Variants in RYR3 observed in about 807,000 individuals in gnomAD.
The protein encoded by RYR3 is brain ryanodine receptor-calcium release channel.
RYR3 carries 207 observed loss-of-function variants against 584.3 expected under a neutral mutation model. The ratio of observed to expected loss-of-function variants is 0.35; its 90% CI spans 0.32 to 0.40. The LOEUF is 0.40. Ranked by LOEUF, RYR3 falls within the 10% of genes least tolerant of loss-of-function variation. RYR3 has a pLI of 1.00. For missense variants in RYR3, 5,616 were observed against 6,089.2 expected (o/e 0.92, Z 2.59); for synonymous variants, 2,416 against 2,248.5 (o/e 1.07, Z -2.11).
chr15:33,860,560 C>T (rs968319474), intron 100 of RYR3, 35 bp from the exon 101 acceptor site: 9 of 1,391,696 alleles, frequency 6.5e-6, no homozygotes, highest in Admixed American at 6.0e-5. Context: ...TGAACCACTA[C>T]ACAGATTGCT....
At chr15:33,423,441 T>C (rs1457299711) in intron 1 of RYR3, among the ~76,000 whole-genome samples, 2 of 152,196 alleles carry the variant, frequency 1.3e-5, no homozygotes, top group Non-Finnish European at 2.9e-5. Flanking sequence ...CTTAGGTTAT[T>C]GTGAATTGGC....
At chr15:33,863,021 G>C (rs1009637277) in intron 102 of RYR3, among the ~76,000 whole-genome samples, 1 of 152,214 alleles carries the variant, frequency 6.6e-6, no homozygotes, top group African/African-American at 2.4e-5. Context: ...AGGTTAATGA[G>C]CCCATGGCCA....
In RYR3 at chr15:33,821,508, T is replaced by A. The variant is rs757046009; in HGVS notation, c.10916-15T>A. 6.2e-7 allele frequency: 1 copy of A among 1,613,532 alleles called. No homozygotes were observed. The highest frequency in any genetic ancestry group is 8.5e-7 in the Non-Finnish European group (1 of 1,179,458). On this transcript the variant is annotated splice_polypyrimidine_tract_variant and intron_variant, in intron 79 of 103. Coordinates refer to ENST00000634891, the MANE Select transcript of RYR3 (RefSeq NM_001036.6). ...CTGTTTCCTTGGTGATTCAATCGAATCTTCACCATGGCAGGTGAGATGAGC... is the reference window on the plus strand; with the variant it reads ...CTGTTTCCTTGGTGATTCAATCGAAACTTCACCATGGCAGGTGAGATGAGC...
intron 85 of RYR3, among the ~76,000 whole-genome samples, chr15:33,828,585 G>A (rs1389135424): frequency 6.6e-6 from 1 of 152,164 alleles, no homozygotes; most frequent in Non-Finnish European, 1.5e-5. Flanking sequence ...TGGATAAAAG[G>A]TCAAACCAGC....
chr15:33,543,554 C>G, intron 7 of RYR3, 68 bp from the exon 8 acceptor site: 1 of 1,029,390 alleles, frequency 9.7e-7, no homozygotes. Context: ...TGAATTTACC[C>G]TTTTTAAATA....
At chr15:33,566,006 A>G (rs984109264) in intron 11 of RYR3, among the ~76,000 whole-genome samples, 3 of 151,990 alleles carry the variant, frequency 2.0e-5, no homozygotes, top group Non-Finnish European at 4.4e-5. Context: ...ACCCTCTAAG[A>G]TAAGTCTATT....
intron 18 of RYR3, among the ~76,000 whole-genome samples, chr15:33,604,972 T>C (rs1029026072): frequency 6.6e-6 from 1 of 152,160 alleles, no homozygotes; most frequent in African/African-American, 2.4e-5. Flanking sequence ...GACTGCTGCC[T>C]ATCTCCCACC....
chr15:33,340,546 G>T (rs1288570147), intron 1 of RYR3, among the ~76,000 whole-genome samples: 4 of 152,152 alleles, frequency 2.6e-5, no homozygotes, highest in Non-Finnish European at 5.9e-5. Context: ...AGATCAAGGT[G>T]TCGGCAGGTT....
At chr15:33,744,261 T>C (rs547905106) in intron 52 of RYR3, among the ~76,000 whole-genome samples, 4 of 152,188 alleles carry the variant, frequency 2.6e-5, no homozygotes, top group Non-Finnish European at 5.9e-5. Flanking sequence ...CATAGTACTT[T>C]CGTAGCACGC....
chr15:33,810,369 C>A, intron 70 of RYR3, 110 bp from the exon 71 acceptor site: 1 of 1,038,338 alleles, frequency 9.6e-7, no homozygotes, highest in Non-Finnish European at 1.4e-6. Flanking sequence ...TGTAGTAAGG[C>A]CCACCCTATA....
At chr15:33,611,535 G>A (rs191484855) in intron 18 of RYR3, among the ~76,000 whole-genome samples, 309 of 151,050 alleles carry the variant, frequency 2.0e-3, no homozygotes, top group Middle Eastern at 3.4e-3. Flanking sequence ...CAGCCTGGGC[G>A]ACAGAGTGAG....
intron 1 of RYR3, among the ~76,000 whole-genome samples, chr15:33,377,356 C>G (rs1041877296): frequency 6.6e-6 from 1 of 152,180 alleles, no homozygotes; most frequent in African/African-American, 2.4e-5. Context: ...CTTGTGCCTT[C>G]CAAGACCACA....
chr15:33,613,872 TTGAG>T (rs1372267356), intron 19 of RYR3, among the ~76,000 whole-genome samples: 1 of 152,234 alleles, frequency 6.6e-6, no homozygotes, highest in African/African-American at 2.4e-5. Context: ...TCCTGAGTCA[TTGAG>T]TATCTTCAAA....
chr15:33,533,601 C>G (rs1457530578), intron 5 of RYR3, among the ~76,000 whole-genome samples: 1 of 152,094 alleles, frequency 6.6e-6, no homozygotes, highest in African/African-American at 2.4e-5. Context: ...ATGTTTTTAC[C>G]ACAGTCAGCC....
Position 33,674,704 on chromosome 15 carries a change from A to G in RYR3, c.5860+4148A>G, listed in dbSNP as rs534010703. Among the ~76,000 whole-genome samples, 12 of 152,182 alleles carry G rather than the reference A, an allele frequency of 7.9e-5. No individual in the cohort carries two copies. The South Asian group carries it at 2.3e-3, about 29-fold the overall frequency. On this transcript the variant is annotated intron_variant, in intron 38 of 103. Coordinates refer to ENST00000634891, the MANE Select transcript of RYR3 (RefSeq NM_001036.6). ...TGTAATAAAAGTACAGACAAAATAC[A>G]GTAGGTGGCCAGAGGAGGAGATTGG...
At position 33,724,169 on chromosome 15, in the gene RYR3, A is replaced by C; in HGVS notation, c.6905A>C (p.Glu2302Ala). 6.3e-7 allele frequency: 1 copy of C among 1,581,452 alleles called. No homozygotes were observed. The highest frequency in any genetic ancestry group is 8.7e-7 in the Non-Finnish European group (1 of 1,151,778). ...GATCTACTGGGCCGCTGTGCTCCTG[A>C]AATGCACGTAAGTGATACAGCTTCC... Reference protein sequence around the residue: ...LIDLLGRCAPEMHLIQTGKGE... With the variant: ...LIDLLGRCAPAMHLIQTGKGE... The change falls in exon 45 of 104, where the codon GAA becomes GCA. Residue 2302 changes from glutamate to alanine, a missense_variant. Glu to Ala is a moderately radical substitution (Grantham distance 107). Coordinates refer to ENST00000634891, the MANE Select transcript of RYR3 (RefSeq NM_001036.6).
At chr15:33,697,773 T>G in intron 39 of RYR3, 109 bp from the exon 40 acceptor site, 1 of 680,712 alleles carries the variant, frequency 1.5e-6, no homozygotes, top group East Asian at 2.6e-5. Flanking sequence ...TTTCAGCCTG[T>G]TACTTTCATA....
intron 8 of RYR3, among the ~76,000 whole-genome samples, chr15:33,547,067 A>G (rs1595534462): frequency 6.6e-6 from 1 of 152,216 alleles, no homozygotes; most frequent in East Asian, 1.9e-4. Flanking sequence ...ACATGCTCTT[A>G]AACTGTGAAT....
At chr15:33,817,929 C>T (rs761075775) in intron 75 of RYR3, among the ~76,000 whole-genome samples, 2 of 152,178 alleles carry the variant, frequency 1.3e-5, no homozygotes, top group Admixed American at 6.5e-5. Flanking sequence ...TTACCTCTGA[C>T]ATTAGCTGTT....
Sources: allele counts gnomAD v4.1 joint callset (sites outside exome capture counted in the v4.1 genomes callset), GRCh38; gene constraint gnomAD v4.1.1; transcripts MANE v1.5; gene names NCBI Gene and HGNC (gene_info 2026-07-23, HGNC 2026-07-21).